KCNMB1: variants seen among roughly 807,000 people sequenced by gnomAD.
KCNMB1 encodes the protein calcium-activated potassium channel subunit beta-1.
A neutral mutation model predicts 21.7 loss-of-function variants in KCNMB1; 22 were observed. The ratio of observed to expected loss-of-function variants is 1.01; its 90% CI spans 0.72 to 1.45. The LOEUF is 1.45. Ranked by LOEUF, KCNMB1 falls within the 40% of genes most tolerant of loss-of-function variation. The pLI is 0.00. For synonymous variants in KCNMB1, 114 were observed against 107.6 expected, an observed-to-expected ratio of 1.06 and a Z score of -0.37; for missense variants, 243 against 243.4, an observed-to-expected ratio of 1.00 and a Z score of 0.01.
intron 3 of KCNMB1, among the ~76,000 whole-genome samples, chr5:170,380,790 G>A (rs1170558295): frequency 6.6e-6 from 1 of 152,180 alleles, no homozygotes; most frequent in Non-Finnish European, 1.5e-5. Flanking sequence ...AAATAGCAGT[G>A]TGGCTATGGA....
Position 170,375,259 on chromosome 5 carries a change from T to G in KCNMB1, c.*3445A>C, listed in dbSNP as rs1371116398. On this transcript the variant is annotated 3_prime_UTR_variant, in exon 4 of 4. Transcript: ENST00000274629. ...ATAGTACAATATTACAATTAAGACT[T>G]TCTTAAAAGACTCACATGAGGACCT... 6.6e-6 allele frequency: 1 copy of G among 152,236 alleles called. No homozygotes were observed. Among genetic ancestry groups the G allele is most frequent in the Non-Finnish European group, 1.5e-5 (1 of 68,044 alleles). 9.4% of individuals were successfully genotyped at this position (152,236 alleles called of 1,614,324 possible). A position where few individuals can be genotyped will look rare whatever the true frequency, so the allele number is the denominator to read the frequency against.
chr5:170,383,548 G>T, intron 3 of KCNMB1, 131 bp downstream of exon 3: 2 of 987,920 alleles, frequency 2.0e-6, no homozygotes, highest in Non-Finnish European at 3.1e-6. Context: ...GGCTGGCTCA[G>T]TCTCATTCCA....
In KCNMB1 at chr5:170,378,903, T is replaced by A. The variant is rs199808458; in HGVS notation, c.377A>T (p.Lys126Ile). The change falls in exon 4 of 4, where the codon AAA (lysine) becomes ATA (isoleucine). Residue 126 changes from lysine to isoleucine, a missense_variant. Coordinates refer to ENST00000274629, the MANE Select transcript of KCNMB1 (RefSeq NM_004137.4). Reference protein sequence around the residue: ...ARADVEKVRAKFQEQQVFYCF... With the variant: ...ARADVEKVRAIFQEQQVFYCF... ...GTAGAAGACCTGCTGCTCTTGGAAT[T>A]TGGCTCTGACCTTCTCCACGTCGGC... is the stretch of plus-strand genomic sequence containing the variant. 5 of 1,614,210 alleles carry A rather than the reference T, an allele frequency of 3.1e-6. No individual in the cohort carries two copies. The highest frequency in any genetic ancestry group is 4.2e-6 in the Non-Finnish European group (5 of 1,180,040).
intron 3 of KCNMB1, 24 bp from the exon 4 acceptor site, chr5:170,378,997 T>C (rs314157): frequency 0.31 from 499,992 of 1,606,904 alleles, 80,580 homozygotes; most frequent in African/African-American, 0.48. Context: ...CAAGAGCAGC[T>C]GTGGGCTTGG....
chr5:170,381,871 A>G (rs1414827828), intron 3 of KCNMB1, among the ~76,000 whole-genome samples: 2 of 152,230 alleles, frequency 1.3e-5, no homozygotes, highest in Non-Finnish European at 2.9e-5. Context: ...GGCAGGGGTC[A>G]TGGGTAGGAG....
Position 170,383,852 on chromosome 5 carries a change from T to A in KCNMB1, c.135-2A>T, listed in dbSNP as rs201757163. ...CACTTGGATTCCTGGGTCCACACGC[T>A]GAGGAGACCACACACATGCACACAT... On this transcript the variant is annotated splice_acceptor_variant, in intron 2 of 3. Coordinates refer to ENST00000274629, the MANE Select transcript of KCNMB1 (RefSeq NM_004137.4). LOFTEE classifies it high-confidence loss of function. 2 of 1,613,674 alleles carry A rather than the reference T, an allele frequency of 1.2e-6. No homozygotes were observed. Among genetic ancestry groups the A allele is most frequent in the East Asian group, 4.5e-5 (2 of 44,848 alleles).
chr5:170,380,872 G>C (rs372905064), intron 3 of KCNMB1, among the ~76,000 whole-genome samples: 2 of 152,296 alleles, frequency 1.3e-5, no homozygotes, highest in East Asian at 3.9e-4. Flanking sequence ...TTGTAAAATG[G>C]GTTTGTGAGG....
Position 170,378,447 on chromosome 5 carries a change from G to C in KCNMB1, c.*257C>G. ...AAACAGGTATGAGTCAGTTGAGTGG[G>C]GACAGGTAATAGAGAGCTAGAACTG... is the stretch of plus-strand genomic sequence containing the variant. On this transcript the variant is annotated 3_prime_UTR_variant, in exon 4 of 4. Transcript: ENST00000274629. 2.1e-6 allele frequency: 1 copy of C among 466,234 alleles called. No individual in the cohort carries two copies. The highest frequency in any genetic ancestry group is 3.9e-5 in the South Asian group (1 of 25,688). 28.9% of individuals were successfully genotyped at this position (466,234 alleles called of 1,614,324 possible). A position where few individuals can be genotyped will look rare whatever the true frequency, so the allele number is the denominator to read the frequency against.
Position 170,379,510 on chromosome 5 carries a change from C to G in KCNMB1, c.307-537G>C, listed in dbSNP as rs146334055. Among the ~76,000 whole-genome samples the G allele has an allele frequency of 4.7e-3, 722 of 152,250 alleles. 4 individuals are homozygous for G. The highest frequency in any genetic ancestry group is 0.024 in the Middle Eastern group (7 of 294). ...ATGAGATGACAGGTGCCCACTGACT[C>G]TTGCCTTGGTGCCAGGAAGAATTGC... On this transcript the variant is annotated intron_variant, in intron 3 of 3. Transcript: ENST00000274629.
Position 170,383,602 on chromosome 5 carries a change from G to A in KCNMB1, c.306+77C>T, listed in dbSNP as rs772605553. 13 of 1,519,870 alleles carry A rather than the reference G, an allele frequency of 8.6e-6. No homozygotes were observed. In the East Asian group the frequency reaches 2.9e-4, roughly 34 times the overall value. 94.1% of individuals were successfully genotyped at this position (1,519,870 alleles called of 1,614,324 possible). ...GTGGGTTGATCTTTCTCAGCCTCGG[G>A]GACAGGGACAGTTAGGAACAGGCTC... On this transcript the variant is annotated intron_variant, in intron 3 of 3. Transcript: ENST00000274629.
intron 2 of KCNMB1, among the ~76,000 whole-genome samples, chr5:170,384,684 G>A (rs1006589485): frequency 6.6e-5 from 10 of 152,240 alleles, no homozygotes; most frequent in African/African-American, 2.2e-4. Context: ...GGGGAACTGA[G>A]TGTCTTTGTT....
chr5:170,383,759 A>ACTG lies in KCNMB1; in HGVS notation c.225_226insCAG (p.Pro75_Cys76insGln), dbSNP rs1479702687. 2.5e-6 allele frequency: 4 copies of ACTG among 1,614,152 alleles called. No individual in the cohort carries two copies. In the South Asian group the frequency reaches 4.4e-5, roughly 18 times the overall value. On this transcript the variant is annotated inframe_insertion, in exon 3 of 4. Transcript: ENST00000274629. ...GCAGCTGACACGTTGACCCACAGGCATGGGTACTGGGGCACCTTCTTGCCC... is the reference window on the plus strand; with the variant it reads ...GCAGCTGACACGTTGACCCACAGGCACTGTGGGTACTGGGGCACCTTCTTGCCC...
At chr5:170,379,468 G>A (rs1764149621) in intron 3 of KCNMB1, among the ~76,000 whole-genome samples, 1 of 152,194 alleles carries the variant, frequency 6.6e-6, no homozygotes, top group South Asian at 2.1e-4. Flanking sequence ...TTGTCAGAGG[G>A]TGAAGCAGGC....
intron 1 of KCNMB1, among the ~76,000 whole-genome samples, chr5:170,388,220 T>C (rs1195782598): frequency 6.6e-6 from 1 of 152,236 alleles, no homozygotes; most frequent in African/African-American, 2.4e-5. Context: ...CCGTCTCTAA[T>C]GGTCTGATGA....
intron 3 of KCNMB1, among the ~76,000 whole-genome samples, chr5:170,381,525 G>GT (rs1764239882): frequency 6.6e-6 from 1 of 152,218 alleles, no homozygotes; most frequent in Non-Finnish European, 1.5e-5. Context: ...GACATAGGCG[G>GT]AAGGAGCAGC....
At chr5:170,379,084 G>C in intron 3 of KCNMB1, 111 bp from the exon 4 acceptor site, 4 of 1,312,668 alleles carry the variant, frequency 3.0e-6, no homozygotes, top group Non-Finnish European at 4.1e-6. Flanking sequence ...CCCTGGATTG[G>C]AGTCGGGGCT....
rs1225789302 is a variant in KCNMB1 at position 170,375,868 on chromosome 5, CGAG to C, written c.*2833_*2835del. The C allele has an allele frequency of 1.3e-5, 2 of 152,152 alleles. No individual in the cohort carries two copies. Among genetic ancestry groups the C allele is most frequent in the Non-Finnish European group, 2.9e-5 (2 of 68,024 alleles). The allele number at this position is 152,152 out of a possible 1,614,324, so 9.4% of individuals were successfully genotyped here. On this transcript the variant is annotated 3_prime_UTR_variant, in exon 4 of 4. Transcript: ENST00000274629. ...ACTATTATCAGTTTCGTTTTGCAAA[CGAG>C]GAAACAGGCACAGAAAGGTTATTCG... is the stretch of plus-strand genomic sequence containing the variant.
At chr5:170,385,904 G>C (rs981940993) in intron 1 of KCNMB1, among the ~76,000 whole-genome samples, 3 of 151,926 alleles carry the variant, frequency 2.0e-5, no homozygotes, top group African/African-American at 7.3e-5. Context: ...CGGATCATGA[G>C]GTCAGGAGAT....
At chr5:170,379,334 A>C (rs1554087728) in intron 3 of KCNMB1, among the ~76,000 whole-genome samples, 1 of 152,142 alleles carries the variant, frequency 6.6e-6, no homozygotes, top group Non-Finnish European at 1.5e-5. Flanking sequence ...GTTTCAAAGG[A>C]TATTATGAAA....
Sources: allele counts gnomAD v4.1 joint callset (sites outside exome capture counted in the v4.1 genomes callset), GRCh38; gene constraint gnomAD v4.1.1; transcripts MANE v1.5; gene names NCBI Gene and HGNC (gene_info 2026-07-23, HGNC 2026-07-21).